Variants in IAH1 observed in about 807,000 individuals in gnomAD.
IAH1 encodes the protein isoamyl acetate-hydrolyzing esterase 1 homolog.
Under a neutral mutation model 26.7 loss-of-function variants are expected in IAH1, and 24 were observed. The ratio of observed to expected loss-of-function variants is 0.90; its 90% CI spans 0.65 to 1.26. The LOEUF (loss-of-function observed/expected upper bound fraction) is 1.26, where lower values mean the gene tolerates loss of function less well. Ranked by LOEUF, IAH1 falls within the 50% of genes most tolerant of loss-of-function variation. The probability of loss-of-function intolerance (pLI) is 0.00; values close to 1 mark genes in which losing one functional copy is unlikely to be tolerated. For synonymous variants in IAH1, 140 were observed against 118.5 expected (o/e 1.18, Z -1.18); for missense variants, 300 against 299.9 (o/e 1.00, Z 0.00).
chr2:9,489,159 T>G lies in IAH1; in HGVS notation c.*830T>G, dbSNP rs1661857489. The G allele has an allele frequency of 7.0e-6, 1 of 142,344 alleles. No individual in the cohort carries two copies. The highest frequency in any genetic ancestry group is 2.2e-4 in the South Asian group (1 of 4,570). The allele number at this position is 142,344 out of a possible 1,614,324, so 8.8% of individuals were successfully genotyped here. ...CACATTCAAAACAACCTGTTTTTTT[T>G]GTTGTTGTTGTTGTTAAGAAATATC... is the stretch of plus-strand genomic sequence containing the variant. On this transcript the variant is annotated 3_prime_UTR_variant, in exon 6 of 6. Transcript: ENST00000497473.
At chr2:9,492,888 G>A (rs1032188904), downstream of IAH1, 3 of 1,601,186 alleles carry the variant, frequency 1.9e-6, no homozygotes, top group Non-Finnish European at 2.6e-6. Context: ...CTTAAAAGTT[G>A]ATGACTTACC....
chr2:9,510,021 G>C, the IAH1 span: 2 of 1,614,116 alleles, frequency 1.2e-6, no homozygotes, highest in East Asian at 4.5e-5. Context: ...TGGGATACAT[G>C]ACATATTTCC....
At chr2:9,505,398 T>C in the IAH1 span, 2 of 1,569,640 alleles carry the variant, frequency 1.3e-6, no homozygotes, top group South Asian at 2.2e-5. Context: ...GGACCCAAAA[T>C]AATATCATAA....
At chr2:9,495,538 C>T (rs1662507485) in intron 6 of IAH1, among the ~76,000 whole-genome samples, 1 of 152,066 alleles carries the variant, frequency 6.6e-6, no homozygotes, top group Admixed American at 6.5e-5. Context: ...CATGGCAAGA[C>T]CCCATCTCTA....
intron 4 of IAH1, among the ~76,000 whole-genome samples, chr2:9,481,696 A>T (rs1661182797): frequency 6.6e-6 from 1 of 152,070 alleles, no homozygotes; most frequent in African/African-American, 2.4e-5. Context: ...GCATCTGCTG[A>T]CCTTTACAGT....
intron 3 of IAH1, among the ~76,000 whole-genome samples, chr2:9,480,381 C>G (rs1661099172): frequency 6.6e-6 from 1 of 152,038 alleles, no homozygotes; most frequent in Non-Finnish European, 1.5e-5. Context: ...TGCCTGTAGT[C>G]CCAGTACTTA....
rs1662449439 is a variant in IAH1 at position 9,494,877 on chromosome 2, A to T, written c.*222+17A>T. The stretch of plus-strand genomic sequence containing the variant: ...CCCAAAGAGGTAAGAAATCACATTT[A>T]TTTTTTATTTAAATAGCTAATACTA... On this transcript the variant is annotated intron_variant, in intron 6 of 6. Transcript: ENST00000481367. 1.2e-5 allele frequency: 17 copies of T among 1,371,756 alleles called. No individual in the cohort carries two copies. The East Asian group carries it at 3.4e-4, about 27-fold the overall frequency. The allele number at this position is 1,371,756 out of a possible 1,614,324, so 85.0% of individuals were successfully genotyped here.
At chr2:9,475,328 GT>G in intron 1 of IAH1, 1 of 651,758 alleles carries the variant, frequency 1.5e-6, no homozygotes, top group Non-Finnish European at 2.4e-6. Context: ...GTAACATTAT[GT>G]TTAGGCATAT....
downstream of IAH1, chr2:9,491,030 A>C: frequency 7.3e-7 from 1 of 1,371,560 alleles, no homozygotes; most frequent in Non-Finnish European, 1.0e-6. Flanking sequence ...TTGCTGGGTC[A>C]GGTGAAGGTC....
At chr2:9,490,994 G>A, downstream of IAH1, 1 of 972,492 alleles carries the variant, frequency 1.0e-6, no homozygotes, top group South Asian at 1.5e-5. Flanking sequence ...GCTGCAACAT[G>A]ACCTTCCATC....
the IAH1 span, among the ~76,000 whole-genome samples, chr2:9,507,799 C>T: frequency 2.6e-4 from 39 of 152,146 alleles, no homozygotes; most frequent in African/African-American, 8.4e-4. Context: ...GGCTCACTGC[C>T]GCCTTGAACT....
At chr2:9,476,316 G>C (rs991178941) in intron 2 of IAH1, among the ~76,000 whole-genome samples, 1 of 152,226 alleles carries the variant, frequency 6.6e-6, no homozygotes, top group Non-Finnish European at 1.5e-5. Flanking sequence ...ACAGATCCAA[G>C]TCCAGCTGCT....
In IAH1 at chr2:9,489,243, G is replaced by A. The variant is rs1273304308; in HGVS notation, c.*914G>A. ...CAATCTTTGTATTTTAAATATTCTA[G>A]GTTTGTAGATAGTGAATTTTTTTTT... On this transcript the variant is annotated 3_prime_UTR_variant, in exon 6 of 6. Coordinates refer to ENST00000497473, the MANE Select transcript of IAH1 (RefSeq NM_001039613.3). 1 of 143,360 alleles carries A rather than the reference G, an allele frequency of 7.0e-6. No homozygotes were observed. The highest frequency in any genetic ancestry group is 2.8e-5 in the African/African-American group (1 of 35,522). 8.9% of individuals were successfully genotyped at this position (143,360 alleles called of 1,614,324 possible). A position where few individuals can be genotyped will look rare whatever the true frequency, so the allele number is the denominator to read the frequency against.
At chr2:9,507,447 A>G in the IAH1 span, among the ~76,000 whole-genome samples, 41 of 152,288 alleles carry the variant, frequency 2.7e-4, no homozygotes, top group African/African-American at 9.1e-4. Flanking sequence ...GGTTGCAGTG[A>G]GCAGAGATCA....
chr2:9,490,067 C>T, downstream of IAH1: 1 of 1,022,640 alleles, frequency 9.8e-7, no homozygotes, highest in Non-Finnish European at 1.4e-6. Context: ...ACATGACCAG[C>T]ATCTGCTAAG....
At chr2:9,490,652 G>T, downstream of IAH1, 1 of 944,028 alleles carries the variant, frequency 1.1e-6, no homozygotes, top group Non-Finnish European at 1.5e-6. Context: ...GCTAGGTGAG[G>T]CTCACTCAAC....
chr2:9,474,586 C>T lies in IAH1; in HGVS notation c.20C>T (p.Ala7Val). 6.5e-7 allele frequency: 1 copy of T among 1,531,142 alleles called. No homozygotes were observed. The highest frequency in any genetic ancestry group is 8.7e-7 in the Non-Finnish European group (1 of 1,143,308). The allele number at this position is 1,531,142 out of a possible 1,614,324, so 94.8% of individuals were successfully genotyped here. A position where few individuals can be genotyped will look rare whatever the true frequency, so the allele number is the denominator to read the frequency against. Residue 7 changes from alanine to valine, a missense_variant, in exon 1 of 6, where the codon GCG becomes GTG. Transcript: ENST00000497473. The surrounding 1 kb of genome is among the most constrained non-coding windows in gnomAD (Gnocchi z 4.3). Reference sequence around the variant, plus strand: ...TGCTCCATGGCGCTGTGCGAGGCCGCGGGCTGCGGGAGTGCCCTGCTCTGG... The same window carrying T: ...TGCTCCATGGCGCTGTGCGAGGCCGTGGGCTGCGGGAGTGCCCTGCTCTGG... MALCEA[A>V]GCGSALLWPR... is the part of the protein sequence containing the mutation.
chr2:9,478,972 T>C (rs142716647), intron 3 of IAH1, among the ~76,000 whole-genome samples: 94 of 152,342 alleles, frequency 6.2e-4, no homozygotes, highest in Admixed American at 1.8e-3. Flanking sequence ...GGTAGTCACC[T>C]TCCAGAGATT....
rs1161053207 is a variant in IAH1, at chr2:9,474,590, C to T, written c.24C>T (p.Gly8=). 1 of 1,541,924 alleles carries T rather than the reference C, an allele frequency of 6.5e-7. No individual in the cohort carries two copies. Among genetic ancestry groups the T allele is most frequent in the Non-Finnish European group, 8.7e-7 (1 of 1,150,036 alleles). Residue 8 remains glycine (G), a synonymous_variant, in exon 1 of 6, where the codon GGC becomes GGT. Coordinates refer to ENST00000497473, the MANE Select transcript of IAH1 (RefSeq NM_001039613.3). The surrounding 1 kb of genome is among the most constrained non-coding windows in gnomAD (Gnocchi z 4.3). MALCEAA[G]CGSALLWPRL... is the part of the protein sequence containing the mutation. The stretch of plus-strand genomic sequence containing the variant: ...CCATGGCGCTGTGCGAGGCCGCGGG[C>T]TGCGGGAGTGCCCTGCTCTGGCCTC...
Sources: gnomAD v4.1 joint callset for allele counts (sites outside exome capture counted in the v4.1 genomes callset) on GRCh38, gnomAD v4.1.1 for gene constraint, Gnocchi (gnomAD v3.1) non-coding constraint, MANE v1.5 for transcripts, NCBI Gene and HGNC (gene_info 2026-07-23, HGNC 2026-07-21) for gene names.